The following PPP4R4 variants were observed in gnomAD, a reference collection of about 807,000 sequenced individuals.
PPP4R4 encodes protein phosphatase 4 regulatory subunit 4, also known as serine/threonine-protein phosphatase 4 regulatory subunit 4.
PPP4R4 carries 70 observed loss-of-function variants against 121.8 expected under a neutral mutation model. The ratio of observed to expected loss-of-function variants is 0.57; its 90% CI spans 0.47 to 0.70. The LOEUF (loss-of-function observed/expected upper bound fraction) is 0.70, where lower values mean the gene tolerates loss of function less well. Among genes scored for constraint, PPP4R4 ranks in the 30% least tolerant of loss-of-function variants. The pLI is 0.00. For synonymous variants in PPP4R4, 348 were observed against 355.7 expected (o/e 0.98, Z 0.24); for missense variants, 875 against 1,033.6 (o/e 0.85, Z 2.10).
chr14:94,230,207 A>AT (rs1415863387), intron 3 of PPP4R4, among the ~76,000 whole-genome samples: 4 of 152,182 alleles, frequency 2.6e-5, no homozygotes, highest in Admixed American at 6.5e-5. Context: ...AACACATGTG[A>AT]TTGTCTGAGC....
At chr14:94,209,608 T>C (rs1890637221) in intron 3 of PPP4R4, among the ~76,000 whole-genome samples, 1 of 152,056 alleles carries the variant, frequency 6.6e-6, no homozygotes, top group African/African-American at 2.4e-5. Flanking sequence ...TTTATATCTG[T>C]TTTTCCCAGA....
Position 94,230,628 on chromosome 14 carries a change from T to C in PPP4R4, c.336T>C (p.Ala112=). 6.2e-7 allele frequency: 1 copy of C among 1,613,176 alleles called. No individual in the cohort carries two copies. The highest frequency in any genetic ancestry group is 8.5e-7 in the Non-Finnish European group (1 of 1,179,108). ...CAGGAGTGGAAATGCAGTTAACGGCTGCGATGTCATTTCTGACCATTCTGC... is the reference window on the plus strand; with the variant it reads ...CAGGAGTGGAAATGCAGTTAACGGCCGCGATGTCATTTCTGACCATTCTGC... The part of the protein sequence containing the change: ...HVAGVEMQLT[A]AMSFLTILQD... Residue 112 remains alanine, a synonymous_variant, in exon 4 of 25, where the codon GCT becomes GCC. Coordinates refer to ENST00000304338, the MANE Select transcript of PPP4R4 (RefSeq NM_058237.2).
At chr14:94,229,816 TTTACA>T (rs1293264613) in intron 3 of PPP4R4, among the ~76,000 whole-genome samples, 2 of 152,122 alleles carry the variant, frequency 1.3e-5, no homozygotes, top group Non-Finnish European at 2.9e-5. Flanking sequence ...TCTTGTTGCC[TTTACA>T]TTACACACAC....
intron 13 of PPP4R4, among the ~76,000 whole-genome samples, 192 bp from the exon 14 acceptor site, chr14:94,246,165 C>T (rs930438037): frequency 5.3e-5 from 8 of 152,090 alleles, no homozygotes; most frequent in African/African-American, 1.9e-4. Flanking sequence ...AGGAATCATA[C>T]TTTTTACTTA....
At chr14:94,250,467 T>C (rs1893120837) in intron 15 of PPP4R4, among the ~76,000 whole-genome samples, 190 bp downstream of exon 15, 1 of 152,028 alleles carries the variant, frequency 6.6e-6, no homozygotes, top group African/African-American at 2.4e-5. Context: ...ATAATTACTC[T>C]GTTTTCTTTT....
At chr14:94,199,078 G>A (rs1890029590) in intron 2 of PPP4R4, among the ~76,000 whole-genome samples, 1 of 152,214 alleles carries the variant, frequency 6.6e-6, no homozygotes, top group South Asian at 2.1e-4. Context: ...CTGGGTTTTA[G>A]AAGGGGATCA....
At chr14:94,258,898 C>A (rs1893621055) in intron 18 of PPP4R4, 74 bp downstream of exon 18, 13 of 1,324,952 alleles carry the variant, frequency 9.8e-6, no homozygotes, top group East Asian at 2.3e-5. Context: ...CAAGACTGGG[C>A]AATTTACAAA....
In PPP4R4 at chr14:94,189,683, C is replaced by G. The variant is rs10131145; in HGVS notation, c.191+13556C>G. Among the ~76,000 whole-genome samples, 303 of 152,308 alleles carry G rather than the reference C, an allele frequency of 2.0e-3. 1 individual carries two copies. Among genetic ancestry groups the G allele is most frequent in the African/African-American group, 6.9e-3 (288 of 41,552 alleles). On this transcript the variant is annotated intron_variant, in intron 2 of 24. Transcript: ENST00000304338. ...AGGGTGTCTCCACCAGAATGTCTTG[C>G]TGGCTTTTCAAACTCAATGTGCTCG...
intron 23 of PPP4R4, among the ~76,000 whole-genome samples, chr14:94,274,135 T>C (rs1418122726): frequency 2.0e-5 from 3 of 152,106 alleles, no homozygotes; most frequent in African/African-American, 4.8e-5. Flanking sequence ...TCAAGTCTTA[T>C]CACTATACAC....
intron 14 of PPP4R4, 53 bp downstream of exon 14, chr14:94,246,592 A>G: frequency 6.7e-7 from 1 of 1,503,446 alleles, no homozygotes; most frequent in South Asian, 1.3e-5. Flanking sequence ...TGGTTCTGGA[A>G]TTACCAAAAC....
chr14:94,196,538 T>A (rs1473736543), intron 2 of PPP4R4, among the ~76,000 whole-genome samples: 1 of 152,046 alleles, frequency 6.6e-6, no homozygotes, highest in Non-Finnish European at 1.5e-5. Context: ...GGTCTTGAAC[T>A]CCTGACCTCA....
intron 2 of PPP4R4, among the ~76,000 whole-genome samples, chr14:94,207,323 G>A (rs8004198): frequency 0.012 from 1,848 of 151,910 alleles, 46 homozygotes; most frequent in African/African-American, 0.042. Context: ...GTCTATTAAA[G>A]GATTCTCCTA....
chr14:94,240,856 A>G (rs1892594055), intron 9 of PPP4R4, 61 bp downstream of exon 9: 2 of 1,421,436 alleles, frequency 1.4e-6, no homozygotes, highest in Middle Eastern at 5.4e-4. Context: ...TTTCTACCTC[A>G]GTCATTAAAC....
At chr14:94,259,467 C>T (rs1222379741) in intron 19 of PPP4R4, 98 bp downstream of exon 19, 2 of 1,347,724 alleles carry the variant, frequency 1.5e-6, no homozygotes, top group Non-Finnish European at 1.9e-6. Flanking sequence ...CACCATTTCA[C>T]ATTACTCTTT....
intron 2 of PPP4R4, among the ~76,000 whole-genome samples, chr14:94,194,027 C>A (rs192476883): frequency 1.5e-3 from 226 of 152,256 alleles, no homozygotes; most frequent in South Asian, 3.7e-3. Flanking sequence ...ACAAGAAAGA[C>A]TATAAAACTT....
intron 2 of PPP4R4, among the ~76,000 whole-genome samples, chr14:94,198,875 G>C (rs1890016866): frequency 6.6e-6 from 1 of 152,154 alleles, no homozygotes; most frequent in Non-Finnish European, 1.5e-5. Flanking sequence ...CTTTTCCATT[G>C]ATCATATGCC....
chr14:94,176,579 C>G (rs1011774154), intron 2 of PPP4R4, among the ~76,000 whole-genome samples: 2 of 152,122 alleles, frequency 1.3e-5, no homozygotes, highest in African/African-American at 4.8e-5. Flanking sequence ...ATTACTTTTG[C>G]CGTGCAAGCT....
intron 3 of PPP4R4, among the ~76,000 whole-genome samples, chr14:94,228,923 G>A (rs903566488): frequency 1.2e-4 from 18 of 152,098 alleles, no homozygotes; most frequent in African/African-American, 4.3e-4. Flanking sequence ...GCTCGAAGTA[G>A]GGTCATCAGG....
intron 23 of PPP4R4, among the ~76,000 whole-genome samples, chr14:94,273,589 A>G (rs1235709478): frequency 6.6e-6 from 1 of 152,152 alleles, no homozygotes. Flanking sequence ...ATTAAGAGTG[A>G]ATCCTAATGT....
Sources: allele counts gnomAD v4.1 joint callset (sites outside exome capture counted in the v4.1 genomes callset), GRCh38; gene constraint gnomAD v4.1.1; transcripts MANE v1.5; gene names NCBI Gene and HGNC (gene_info 2026-07-23, HGNC 2026-07-21).